Variants in DYNC1I1 observed in about 807,000 individuals in gnomAD.
The protein encoded by DYNC1I1 is dynein cytoplasmic 1 intermediate chain 1.
DYNC1I1 carries 43 observed loss-of-function variants against 86.6 expected under a neutral mutation model. The ratio of observed to expected loss-of-function variants is 0.50; its 90% confidence interval spans 0.39 to 0.64. The LOEUF (loss-of-function observed/expected upper bound fraction) is 0.64, where lower values mean the gene tolerates loss of function less well. DYNC1I1 is among the 30% of genes least tolerant of loss of function. The pLI is 0.00. For missense variants in DYNC1I1, 604 were observed against 788.8 expected (o/e 0.77, Z 2.81); for synonymous variants, 262 against 283.7 (o/e 0.92, Z 0.77).
chr7:95,880,774 T>C (rs1233502849), intron 6 of DYNC1I1, among the ~76,000 whole-genome samples: 1 of 151,344 alleles, frequency 6.6e-6, no homozygotes, highest in African/African-American at 2.4e-5. Flanking sequence ...GCCTCCCGAG[T>C]AGCTGGGATT....
chr7:95,824,501 A>G (rs960011584), intron 4 of DYNC1I1, among the ~76,000 whole-genome samples: 1 of 152,236 alleles, frequency 6.6e-6, no homozygotes, highest in Non-Finnish European at 1.5e-5. Context: ...ATTATAGTAA[A>G]CAGGGTGATT....
At chr7:95,931,741 C>T (rs1322028077) in intron 6 of DYNC1I1, among the ~76,000 whole-genome samples, 2 of 152,194 alleles carry the variant, frequency 1.3e-5, no homozygotes, top group African/African-American at 4.8e-5. Context: ...ATACAGACCA[C>T]ATGGCCCCCA....
intron 6 of DYNC1I1, among the ~76,000 whole-genome samples, chr7:95,977,226 C>T (rs1793328673): frequency 1.3e-5 from 2 of 152,170 alleles, no homozygotes; most frequent in Non-Finnish European, 2.9e-5. Context: ...GTCAGGGAGG[C>T]AATTCCAAGA....
chr7:96,085,266 C>T (rs1452692694), intron 16 of DYNC1I1, among the ~76,000 whole-genome samples: 1 of 152,140 alleles, frequency 6.6e-6, no homozygotes, highest in Non-Finnish European at 1.5e-5. Context: ...TGGCTTGAAT[C>T]CAGATTTAGT....
intron 6 of DYNC1I1, among the ~76,000 whole-genome samples, chr7:95,976,884 G>A (rs1162019249): frequency 6.6e-6 from 1 of 152,074 alleles, no homozygotes; most frequent in Admixed American, 6.6e-5. Flanking sequence ...CATCTGGCAG[G>A]GGTAGCCAAC....
At chr7:95,900,552 A>T (rs550686638) in intron 6 of DYNC1I1, among the ~76,000 whole-genome samples, 1 of 152,250 alleles carries the variant, frequency 6.6e-6, no homozygotes, top group African/African-American at 2.4e-5. Flanking sequence ...TGCTAAGGAG[A>T]TTTGGAGTTG....
chr7:96,041,420 T>C (rs530842690), intron 14 of DYNC1I1, among the ~76,000 whole-genome samples: 37 of 152,310 alleles, frequency 2.4e-4, no homozygotes, highest in African/African-American at 8.9e-4. Context: ...TAGCAATATC[T>C]AAAAATAATA....
intron 6 of DYNC1I1, among the ~76,000 whole-genome samples, chr7:95,873,765 G>T (rs910414364): frequency 3.3e-5 from 5 of 152,188 alleles, no homozygotes; most frequent in African/African-American, 1.2e-4. Context: ...CAGGTCTTTG[G>T]CTGTCAAGCA....
At chr7:95,880,254 C>T (rs1187540202) in intron 6 of DYNC1I1, among the ~76,000 whole-genome samples, 3 of 152,166 alleles carry the variant, frequency 2.0e-5, no homozygotes, top group Non-Finnish European at 1.5e-5. Flanking sequence ...CAACCGAACA[C>T]ACTTCCTGTC....
At chr7:95,822,214 A>T (rs1358601701) in intron 4 of DYNC1I1, among the ~76,000 whole-genome samples, 1 of 152,252 alleles carries the variant, frequency 6.6e-6, no homozygotes, top group Non-Finnish European at 1.5e-5. Flanking sequence ...GAAACTGAGC[A>T]AATAAAATTG....
intron 16 of DYNC1I1, among the ~76,000 whole-genome samples, chr7:96,080,851 C>T (rs981886299): frequency 6.6e-6 from 1 of 151,970 alleles, no homozygotes; most frequent in African/African-American, 2.4e-5. Flanking sequence ...GCAGGTGGAT[C>T]ACGAGGTCAG....
intron 6 of DYNC1I1, among the ~76,000 whole-genome samples, chr7:95,896,914 A>G (rs1790896671): frequency 2.6e-5 from 4 of 152,248 alleles, no homozygotes; most frequent in Admixed American, 2.6e-4. Context: ...AATATGTCAA[A>G]TGTTAGTAAA....
chr7:96,092,547 G>A (rs1790878943), intron 16 of DYNC1I1, among the ~76,000 whole-genome samples: 2 of 152,282 alleles, frequency 1.3e-5, no homozygotes, highest in South Asian at 4.2e-4. Context: ...ATTCTCAAAT[G>A]TTATTACTCC....
intron 10 of DYNC1I1, among the ~76,000 whole-genome samples, chr7:96,020,248 G>A: frequency 6.6e-6 from 1 of 152,094 alleles, no homozygotes; most frequent in South Asian, 2.1e-4. Context: ...CCGAGACTGG[G>A]AAATTTACTA....
intron 16 of DYNC1I1, among the ~76,000 whole-genome samples, chr7:96,090,636 T>A (rs1790813099): frequency 6.6e-6 from 1 of 152,002 alleles, no homozygotes; most frequent in Admixed American, 6.6e-5. Context: ...TTCCCTTAGA[T>A]GGGATTTCCA....
Position 96,092,409 on chromosome 7 carries a change from A to G in DYNC1I1, c.1777-5074A>G, listed in dbSNP as rs114111946. Reference sequence around the variant, plus strand: ...GGATCTTACAATTTGTTTCACACAAATGAGGAAGTAAAGATCAGAAGTGTT... The same window carrying G: ...GGATCTTACAATTTGTTTCACACAAGTGAGGAAGTAAAGATCAGAAGTGTT... On this transcript the variant is annotated intron_variant, in intron 16 of 16. Transcript: ENST00000447467. Among the ~76,000 whole-genome samples the G allele has an allele frequency of 2.7e-3, 407 of 152,320 alleles. 1 individual carries two copies. Among genetic ancestry groups the G allele is most frequent in the African/African-American group, 9.5e-3 (395 of 41,586 alleles).
chr7:96,057,446 T>A (rs1014891528), intron 14 of DYNC1I1, among the ~76,000 whole-genome samples: 2 of 152,212 alleles, frequency 1.3e-5, no homozygotes, highest in Non-Finnish European at 2.9e-5. Flanking sequence ...TAGAATTTGG[T>A]CTGTTAAATA....
intron 6 of DYNC1I1, among the ~76,000 whole-genome samples, chr7:95,939,213 C>G (rs1394325187): frequency 6.6e-6 from 1 of 152,112 alleles, no homozygotes; most frequent in African/African-American, 2.4e-5. Context: ...AACTTTACTT[C>G]CAACTATGTG....
chr7:95,837,368 C>T (rs1789129796), intron 5 of DYNC1I1, among the ~76,000 whole-genome samples: 1 of 152,130 alleles, frequency 6.6e-6, no homozygotes, highest in Non-Finnish European at 1.5e-5. Context: ...CTGCTCTCTT[C>T]AAAGCTGTCA....
Sources: gnomAD v4.1 joint callset for allele counts (sites outside exome capture counted in the v4.1 genomes callset) on GRCh38, gnomAD v4.1.1 for gene constraint, MANE v1.5 for transcripts, NCBI Gene and HGNC (gene_info 2026-07-23, HGNC 2026-07-21) for gene names.